ESRRG: variants seen among roughly 807,000 people sequenced by gnomAD.
ESRRG encodes the protein estrogen related receptor gamma.
ESRRG carries 13 observed loss-of-function variants against 44.0 expected under a neutral mutation model. The observed-to-expected ratio is 0.30, with a 90% CI of 0.19 to 0.47. ESRRG has a LOEUF of 0.47. Among genes scored for constraint, ESRRG ranks in the 20% least tolerant of loss-of-function variants. The pLI, the probability that ESRRG is intolerant of heterozygous loss-of-function variation, is 1.00. For missense variants in ESRRG, 395 were observed against 580.6 expected (o/e 0.68, Z 3.29); for synonymous variants, 215 against 214.6 (o/e 1.00, Z -0.02).
intron 2 of ESRRG, among the ~76,000 whole-genome samples, chr1:216,754,518 T>C (rs2092318474): frequency 6.6e-6 from 1 of 151,930 alleles, no homozygotes; most frequent in Admixed American, 6.6e-5. Flanking sequence ...TACCAGCAAC[T>C]GTTAAAAAAT....
chr1:216,519,100 TA>T (rs2045285301), intron 6 of ESRRG, 51 bp downstream of exon 6: 2 of 1,545,814 alleles, frequency 1.3e-6, no homozygotes, highest in Non-Finnish European at 1.8e-6. Context: ...AGGAGAGGGG[TA>T]AAACTGACAT....
chr1:216,550,868 C>T (rs751525901), intron 5 of ESRRG, among the ~76,000 whole-genome samples: 7 of 152,120 alleles, frequency 4.6e-5, no homozygotes, highest in Admixed American at 6.6e-5. Context: ...TCAGAACAAC[C>T]ATGCATATAG....
intron 1 of ESRRG, among the ~76,000 whole-genome samples, chr1:216,678,973 C>G (rs1250124096): frequency 6.6e-6 from 1 of 152,188 alleles, no homozygotes; most frequent in Non-Finnish European, 1.5e-5. Flanking sequence ...TGGAACTTTT[C>G]TGGCAGGAAG....
intron 1 of ESRRG, among the ~76,000 whole-genome samples, chr1:217,086,930 T>A (rs1018466121): frequency 2.0e-5 from 3 of 147,784 alleles, no homozygotes; most frequent in South Asian, 2.2e-4. Context: ...ATTTTTTTTT[T>A]AAAAGACTAA....
chr1:216,576,101 G>A (rs1157420634), intron 3 of ESRRG, among the ~76,000 whole-genome samples: 1 of 151,962 alleles, frequency 6.6e-6, no homozygotes, highest in Non-Finnish European at 1.5e-5. Flanking sequence ...TATTTCAAGG[G>A]CCAGGGAGGC....
chr1:217,069,741 C>A (rs1156471932), intron 1 of ESRRG, among the ~76,000 whole-genome samples: 2 of 152,138 alleles, frequency 1.3e-5, no homozygotes, highest in African/African-American at 4.8e-5. Context: ...CAGTCGGCCA[C>A]ATCACAGAAG....
chr1:216,777,956 C>A (rs899261468), intron 2 of ESRRG, among the ~76,000 whole-genome samples: 7 of 152,116 alleles, frequency 4.6e-5, no homozygotes, highest in African/African-American at 1.7e-4. Flanking sequence ...TGCCACCTGC[C>A]TTCACCTACC....
chr1:217,125,304 C>A (rs572088395), intron 1 of ESRRG, among the ~76,000 whole-genome samples: 2 of 152,268 alleles, frequency 1.3e-5, no homozygotes, highest in East Asian at 3.9e-4. Flanking sequence ...ACGAAGGATG[C>A]TGTGATAAAT....
At chr1:216,610,964 A>G (rs2060568388) in intron 3 of ESRRG, among the ~76,000 whole-genome samples, 1 of 152,062 alleles carries the variant, frequency 6.6e-6, no homozygotes, top group Admixed American at 6.5e-5. Context: ...CTCAGTTGGG[A>G]GGCCGAGGTG....
At chr1:216,932,191 G>A (rs1260059637) in intron 2 of ESRRG, among the ~76,000 whole-genome samples, 1 of 152,050 alleles carries the variant, frequency 6.6e-6, no homozygotes, top group Middle Eastern at 3.2e-3. Flanking sequence ...GAGACAGAGT[G>A]AAACTCCATC....
intron 5 of ESRRG, among the ~76,000 whole-genome samples, chr1:216,555,681 C>G (rs1227393814): frequency 6.6e-6 from 1 of 152,146 alleles, no homozygotes; most frequent in Non-Finnish European, 1.5e-5. Flanking sequence ...ATTTATATCT[C>G]TTTCCTCTGC....
chr1:216,978,712 A>C (rs930149812), intron 1 of ESRRG, among the ~76,000 whole-genome samples: 2 of 152,138 alleles, frequency 1.3e-5, no homozygotes. Context: ...CTATGCAAGT[A>C]CCCTATTCTC....
Position 216,932,964 on chromosome 1 carries a change from T to C in ESRRG, c.-14+6618A>G, listed in dbSNP as rs566369890. On this transcript the variant is annotated intron_variant, in intron 2 of 7. Transcript: ENST00000359162. Reference sequence around the variant, plus strand: ...GCAATCCTACTCTAGATAACTATCCTACAGGAGTAAGACCACAAGAATTAA... The same window carrying C: ...GCAATCCTACTCTAGATAACTATCCCACAGGAGTAAGACCACAAGAATTAA... Among the ~76,000 whole-genome samples, 270 of 152,104 alleles carry C rather than the reference T, an allele frequency of 1.8e-3. 4 individuals are homozygous for C. Among genetic ancestry groups the C allele is most frequent in the African/African-American group, 6.1e-3 (254 of 41,534 alleles).
At chr1:216,766,208 T>C (rs1212897140) in intron 2 of ESRRG, among the ~76,000 whole-genome samples, 1 of 152,118 alleles carries the variant, frequency 6.6e-6, no homozygotes, top group African/African-American at 2.4e-5. Flanking sequence ...TTCTCCACTT[T>C]CTTATGCTTA....
intron 2 of ESRRG, among the ~76,000 whole-genome samples, chr1:216,752,342 G>A (rs2092100154): frequency 6.6e-6 from 1 of 152,058 alleles, no homozygotes; most frequent in South Asian, 2.1e-4. Context: ...AATTACGGGT[G>A]CATGTGACAG....
At chr1:216,929,404 T>C (rs542793748) in intron 2 of ESRRG, among the ~76,000 whole-genome samples, 60 of 152,290 alleles carry the variant, frequency 3.9e-4, no homozygotes, top group Middle Eastern at 3.4e-3. Flanking sequence ...AAAAAGGCAA[T>C]ACATCTCCCA....
intron 2 of ESRRG, among the ~76,000 whole-genome samples, chr1:216,893,394 G>A (rs142584917): frequency 2.2e-3 from 332 of 152,244 alleles, no homozygotes; most frequent in African/African-American, 7.5e-3. Flanking sequence ...AGTGTCTAAT[G>A]TAGTGCCAGG....
intron 1 of ESRRG, among the ~76,000 whole-genome samples, chr1:216,989,715 A>C (rs1274487808): frequency 6.6e-6 from 1 of 152,110 alleles, no homozygotes; most frequent in Admixed American, 6.5e-5. Context: ...TTCAGAGAAA[A>C]AGTGTGTCCC....
intron 1 of ESRRG, among the ~76,000 whole-genome samples, chr1:216,692,043 A>G (rs866339586): frequency 2.6e-5 from 4 of 152,306 alleles, no homozygotes; most frequent in Admixed American, 6.5e-5. Context: ...ATAGATTACT[A>G]CTTTACTGGT....
Sources: gnomAD v4.1 joint callset for allele counts (sites outside exome capture counted in the v4.1 genomes callset) on GRCh38, gnomAD v4.1.1 for gene constraint, MANE v1.5 for transcripts, NCBI Gene and HGNC (gene_info 2026-07-23, HGNC 2026-07-21) for gene names.